The following C13orf42 variants were observed in gnomAD, a reference collection of about 807,000 sequenced individuals.
The protein encoded by C13orf42 is uncharacterized protein C13orf42.
chr13:51,164,382 C>T (rs1953889637), intron 1 of C13orf42, among the ~76,000 whole-genome samples: 1 of 152,186 alleles, frequency 6.6e-6, no homozygotes. Flanking sequence ...TAAATAACAG[C>T]CAGGCACGGT....
intron 1 of C13orf42, among the ~76,000 whole-genome samples, chr13:51,139,478 C>A (rs1192346916): frequency 6.6e-6 from 1 of 152,120 alleles, no homozygotes; most frequent in Non-Finnish European, 1.5e-5. Context: ...TGAATAGGAG[C>A]TGGGTAAAAT....
upstream of C13orf42, among the ~76,000 whole-genome samples, chr13:51,114,651 T>TAGAGAGAGAG (rs1555266732): frequency 1.4e-5 from 2 of 142,378 alleles, no homozygotes; most frequent in Non-Finnish European, 3.2e-5. Context: ...TAGATAGAGA[T>TAGAGAGAGAG]AGACAGACAG....
At chr13:51,124,268 A>T (rs1593543203) in intron 1 of C13orf42, among the ~76,000 whole-genome samples, 1 of 152,224 alleles carries the variant, frequency 6.6e-6, no homozygotes, top group Non-Finnish European at 1.5e-5. Context: ...TATCCTTAAA[A>T]ACCCTGATCC....
chr13:51,085,778 G>A (rs1390063917), intron 2 of C13orf42, among the ~76,000 whole-genome samples: 3 of 152,218 alleles, frequency 2.0e-5, no homozygotes, highest in African/African-American at 7.2e-5. Context: ...GGCCAGGTGC[G>A]GGGGCTCACG....
At chr13:51,123,168 ATGGTTCTCACTCT>A (rs1953549922) in intron 1 of C13orf42, among the ~76,000 whole-genome samples, 1 of 152,224 alleles carries the variant, frequency 6.6e-6, no homozygotes, top group Non-Finnish European at 1.5e-5. Flanking sequence ...AGCACTGCTC[ATGGTTCTCACTCT>A]TGTTACAGGT....
chr13:51,123,862 C>T (rs954044904), intron 1 of C13orf42, among the ~76,000 whole-genome samples: 11 of 152,172 alleles, frequency 7.2e-5, no homozygotes, highest in African/African-American at 2.4e-4. Context: ...CATCCCTGGG[C>T]GTAGTCTGAA....
At chr13:51,151,332 G>A (rs369763130) in intron 1 of C13orf42, among the ~76,000 whole-genome samples, 6 of 151,802 alleles carry the variant, frequency 4.0e-5, no homozygotes, top group African/African-American at 1.2e-4. Context: ...AGAGGAAGGG[G>A]CCAGAAGCCA....
intron 1 of C13orf42, among the ~76,000 whole-genome samples, chr13:51,117,607 T>C (rs1399432610): frequency 6.6e-6 from 1 of 152,014 alleles, no homozygotes; most frequent in Non-Finnish European, 1.5e-5. Flanking sequence ...ACTTTTGGGG[T>C]TGGAGTAAAT....
intron 1 of C13orf42, among the ~76,000 whole-genome samples, chr13:51,165,589 G>A (rs1449045386): frequency 1.3e-5 from 2 of 152,120 alleles, no homozygotes; most frequent in East Asian, 1.9e-4. Flanking sequence ...AAGAAGATGC[G>A]GACCCCAGGT....
chr13:51,169,139 T>A (rs1450950596), intron 1 of C13orf42, among the ~76,000 whole-genome samples: 2 of 152,204 alleles, frequency 1.3e-5, no homozygotes, highest in African/African-American at 4.8e-5. Flanking sequence ...TGGAACTTGG[T>A]TTAACAAGCA....
At chr13:51,166,381 G>A (rs1437322525) in intron 1 of C13orf42, among the ~76,000 whole-genome samples, 1 of 143,424 alleles carries the variant, frequency 7.0e-6, no homozygotes, top group Non-Finnish European at 1.5e-5. Context: ...CTCATAGGTG[G>A]GAATTGAACA....
intron 1 of C13orf42, among the ~76,000 whole-genome samples, chr13:51,169,935 T>A (rs997148492): frequency 2.6e-5 from 4 of 152,234 alleles, no homozygotes; most frequent in Admixed American, 1.3e-4. Context: ...CCAGATGGCC[T>A]GAAGTAACTG....
At chr13:51,121,825 G>A (rs1298776864) in intron 1 of C13orf42, among the ~76,000 whole-genome samples, 3 of 152,090 alleles carry the variant, frequency 2.0e-5, no homozygotes, top group Admixed American at 6.5e-5. Flanking sequence ...GTGAGCCACC[G>A]CAACTGGCCT....
At chr13:51,153,110 T>C (rs948325070) in intron 1 of C13orf42, among the ~76,000 whole-genome samples, 2 of 152,338 alleles carry the variant, frequency 1.3e-5, no homozygotes, top group Middle Eastern at 3.4e-3. Flanking sequence ...ATCTTTGAAT[T>C]AATGTTTTGT....
intron 1 of C13orf42, among the ~76,000 whole-genome samples, chr13:51,128,999 G>A (rs1419079347): frequency 2.6e-5 from 4 of 152,078 alleles, no homozygotes; most frequent in African/African-American, 9.7e-5. Flanking sequence ...GGTGGATGTC[G>A]ACCAGGCATA....
intron 1 of C13orf42, among the ~76,000 whole-genome samples, chr13:51,171,396 C>A (rs1953950246): frequency 6.6e-6 from 1 of 152,034 alleles, no homozygotes; most frequent in Non-Finnish European, 1.5e-5. Flanking sequence ...CACATCAGTC[C>A]CTTCCTAGTC....
At chr13:51,151,641 C>T (rs945787374) in intron 1 of C13orf42, among the ~76,000 whole-genome samples, 2 of 152,202 alleles carry the variant, frequency 1.3e-5, no homozygotes, top group Admixed American at 6.5e-5. Context: ...TCCAGAGACA[C>T]ATAGTCCAGT....
At chr13:51,109,248 C>A (rs1032850784) in intron 1 of C13orf42, among the ~76,000 whole-genome samples, 2 of 152,166 alleles carry the variant, frequency 1.3e-5, no homozygotes, top group African/African-American at 2.4e-5. Flanking sequence ...ACAGTTGAAA[C>A]CAATTGGGTT....
At chr13:51,168,829 G>T (rs983798037) in intron 1 of C13orf42, among the ~76,000 whole-genome samples, 1 of 152,094 alleles carries the variant, frequency 6.6e-6, no homozygotes, top group Non-Finnish European at 1.5e-5. Context: ...GTTCTCATGA[G>T]ATCTAGTTGT....
Sources: allele counts gnomAD v4.1 joint callset (sites outside exome capture counted in the v4.1 genomes callset), GRCh38; gene constraint gnomAD v4.1.1; transcripts MANE v1.5; gene names NCBI Gene and HGNC (gene_info 2026-07-23, HGNC 2026-07-21).